PRAMEF1: variants seen among roughly 807,000 people sequenced by gnomAD.
PRAMEF1 encodes the protein PRAME family member 1.
A neutral mutation model predicts 38.2 loss-of-function variants in PRAMEF1; 21 were observed. The ratio of observed to expected loss-of-function variants is 0.55; its 90% CI spans 0.39 to 0.79. The LOEUF (loss-of-function observed/expected upper bound fraction) is 0.79, where lower values mean the gene tolerates loss of function less well. Ranked by LOEUF, PRAMEF1 falls within the 30% of genes least tolerant of loss-of-function variation. PRAMEF1 has a pLI of 0.00. For missense variants in PRAMEF1, 497 were observed against 565.8 expected (o/e 0.88, Z 1.23); for synonymous variants, 200 against 229.0 (o/e 0.87, Z 1.14).
chr1:12,793,038 G>A (rs1269046299), intron 1 of PRAMEF1, among the ~76,000 whole-genome samples, 165 bp from the exon 2 acceptor site: 4 of 151,004 alleles, frequency 2.6e-5, no homozygotes, highest in Non-Finnish European at 3.0e-5. Context: ...GGCACTGTCC[G>A]GTGGTTCTGG....
Position 12,794,364 on chromosome 1 carries a change from C to A in PRAMEF1, c.737C>A (p.Thr246Lys). The change falls in exon 3 of 4, where the codon ACG (threonine) becomes AAG (lysine). Residue 246 changes from threonine to lysine, a missense_variant. By Grantham distance (78) the Thr-to-Lys change is moderately conservative. Coordinates refer to ENST00000332296, the MANE Select transcript of PRAMEF1 (RefSeq NM_023013.4). The stretch of plus-strand genomic sequence containing the variant: ...GTTTTCTCCAGGTGCCATCATTACA[C>A]GTCAGATAATGAACTCGAAGGACGG... ...KLVFSRCHHY[T>K]SDNELEGRLV... 1 of 1,612,090 alleles carries A rather than the reference C, an allele frequency of 6.2e-7. No individual in the cohort carries two copies. The highest frequency in any genetic ancestry group is 8.5e-7 in the Non-Finnish European group (1 of 1,179,030).
At position 12,793,248 on chromosome 1, in the gene PRAMEF1, C is replaced by T; in HGVS notation, c.21C>T (p.Pro7=). MSIQAP[P]RLLELAGQSL... ...TCAGGATGAGCATCCAGGCCCCACC[C>T]AGACTACTGGAGCTGGCAGGGCAGA... The change falls in exon 2 of 4, where the codon CCC becomes CCT. Residue 7 remains proline, a synonymous_variant. Coordinates refer to ENST00000332296, the MANE Select transcript of PRAMEF1 (RefSeq NM_023013.4). 4 of 1,606,764 alleles carry T rather than the reference C, an allele frequency of 2.5e-6. No individual in the cohort carries two copies. Among genetic ancestry groups the T allele is most frequent in the East Asian group, 2.3e-5 (1 of 44,372 alleles).
Position 12,796,192 on chromosome 1 carries a change from C to T in PRAMEF1, c.*196C>T, listed in dbSNP as rs556743890. On this transcript the variant is annotated 3_prime_UTR_variant, in exon 4 of 4. Coordinates refer to ENST00000332296, the MANE Select transcript of PRAMEF1 (RefSeq NM_023013.4). ...CTCCAGCTGGTCTCAAACTGCTGGG[C>T]TTATGGGATCCTCCTGCCTCAGCTT... is the stretch of plus-strand genomic sequence containing the variant. 2.8e-6 allele frequency: 3 copies of T among 1,069,612 alleles called. No homozygotes were observed. Among genetic ancestry groups the T allele is most frequent in the East Asian group, 5.8e-5 (2 of 34,366 alleles). 66.3% of individuals were successfully genotyped at this position (1,069,612 alleles called of 1,614,324 possible).
In PRAMEF1 at chr1:12,794,451, A is replaced by C; in HGVS notation, c.824A>C (p.Lys275Thr). The change falls in exon 3 of 4, where the codon AAA (lysine) becomes ACA (threonine). Residue 275 changes from lysine to threonine, a missense_variant. Physicochemically the swap from Lys to Thr is moderately conservative, Grantham distance 78. Coordinates refer to ENST00000332296, the MANE Select transcript of PRAMEF1 (RefSeq NM_023013.4). ...RLEHLQLLKI[K>T]LITFFSGHLE... The stretch of plus-strand genomic sequence containing the variant: ...GAACACCTTCAGTTGCTTAAAATAA[A>C]ATTGATCACCTTCTTCAGTGGGCAC... 1 of 1,610,370 alleles carries C rather than the reference A, an allele frequency of 6.2e-7. No individual in the cohort carries two copies. The highest frequency in any genetic ancestry group is 8.5e-7 in the Non-Finnish European group (1 of 1,177,898).
chr1:12,792,478 C>T (rs568302955), intron 1 of PRAMEF1, among the ~76,000 whole-genome samples: 2 of 151,376 alleles, frequency 1.3e-5, no homozygotes, highest in Admixed American at 6.6e-5. Context: ...GGAAACTCTG[C>T]CTCTGGGCTT....
Position 12,793,365 on chromosome 1 carries a change from G to A in PRAMEF1, c.138G>A (p.Arg46=). The A allele has an allele frequency of 1.2e-6, 2 of 1,609,938 alleles. No homozygotes were observed. The highest frequency in any genetic ancestry group is 1.7e-6 in the Non-Finnish European group (2 of 1,177,914). The change falls in exon 2 of 4, where the codon AGG becomes AGA. Residue 46 remains arginine (R), a synonymous_variant. Coordinates refer to ENST00000332296, the MANE Select transcript of PRAMEF1 (RefSeq NM_023013.4). ...YLPLFMEAFS[R]RHFQTLTVMV... is the part of the protein sequence containing the mutation. Reference sequence around the variant, plus strand: ...CACTCTTCATGGAGGCCTTCAGCAGGAGACACTTCCAGACTCTGACGGTGA... The same window carrying A: ...CACTCTTCATGGAGGCCTTCAGCAGAAGACACTTCCAGACTCTGACGGTGA...
rs78573959 is a variant in PRAMEF1 at position 12,793,903 on chromosome 1, C to T, written c.288-12C>T. ...TTCTAAATTCTGAGTCTCTCCCTTA[C>T]TTTACCCACAGGAGGTGGAAACTTC... On this transcript the variant is annotated splice_polypyrimidine_tract_variant and intron_variant, in intron 2 of 3. Coordinates refer to ENST00000332296, the MANE Select transcript of PRAMEF1 (RefSeq NM_023013.4). 1.5e-5 allele frequency: 24 copies of T among 1,608,210 alleles called. 2 individuals carry two copies. In the African/African-American group the frequency reaches 2.5e-4, roughly 17 times the overall value.
rs1417104832 is a variant in PRAMEF1, at chr1:12,795,837, G to T, written c.1266G>T (p.Leu422Phe). The T allele has an allele frequency of 6.2e-7, 1 of 1,610,418 alleles. No individual in the cohort carries two copies. Among genetic ancestry groups the T allele is most frequent in the South Asian group, 1.1e-5 (1 of 90,872 alleles). The change falls in exon 4 of 4, where the codon TTG (leucine) becomes TTT (phenylalanine). Residue 422 changes from leucine to phenylalanine, a missense_variant. Physicochemically the swap from Leu to Phe is conservative, Grantham distance 22 (BLOSUM62 0). This residue lies in a region of PRAMEF1 where 470 missense variants were observed against 501.9 expected (regional missense o/e 0.94). Coordinates refer to ENST00000332296, the MANE Select transcript of PRAMEF1 (RefSeq NM_023013.4). Reference protein sequence around the residue: ...YPAPEESLNSLVRVNWEIFTP... With the variant: ...YPAPEESLNSFVRVNWEIFTP... ...CCCCTGAGGAGAGTTTGAATTCCTT[G>T]GTTCGTGTCAATTGGGAGATCTTCA...
At position 12,796,140 on chromosome 1, in the gene PRAMEF1, A is replaced by C. The variant is rs1639399827; in HGVS notation, c.*144A>C. 2.3e-6 allele frequency: 3 copies of C among 1,311,654 alleles called. 1 individual carries two copies. Among genetic ancestry groups the C allele is most frequent in the African/African-American group, 3.0e-5 (2 of 67,560 alleles). 81.3% of individuals were successfully genotyped at this position (1,311,654 alleles called of 1,614,324 possible). A position where few individuals can be genotyped will look rare whatever the true frequency, so the allele number is the denominator to read the frequency against. ...TAATTCCAAAATTTTTATTAAAGAC[A>C]ATTTGAGACAGGGTTTCGCTGTGTT... On this transcript the variant is annotated 3_prime_UTR_variant, in exon 4 of 4. Transcript: ENST00000332296.
In PRAMEF1 at chr1:12,795,574, A is replaced by T; in HGVS notation, c.1003A>T (p.Ile335Phe). ...TCTCAGCTACGTGCTGCTGTTCCGC[A>T]TCAGTCTTGAACCCCTCGGAGCTCT... ...LNLSYVLLFR[I>F]SLEPLGALLE... The change falls in exon 4 of 4, where the codon ATC (isoleucine) becomes TTC (phenylalanine). Residue 335 changes from isoleucine (I) to phenylalanine (F), a missense_variant. Coordinates refer to ENST00000332296, the MANE Select transcript of PRAMEF1 (RefSeq NM_023013.4). 1 of 1,612,244 alleles carries T rather than the reference A, an allele frequency of 6.2e-7. No individual in the cohort carries two copies. Among genetic ancestry groups the T allele is most frequent in the Non-Finnish European group, 8.5e-7 (1 of 1,179,766 alleles).
At position 12,795,515 on chromosome 1, in the gene PRAMEF1, A is replaced by C. The variant is rs1269322851; in HGVS notation, c.944A>C (p.Gln315Pro). The change falls in exon 4 of 4, where the codon CAG (glutamine) becomes CCG (proline). Residue 315 changes from glutamine (Q) to proline (P), a missense_variant. Physicochemically the swap from Gln to Pro is moderately conservative, Grantham distance 76. Transcript: ENST00000332296. ...GAAGAAGACATGAAGTGTCTCTCCCAGTACCCAAGCCTCGGTTACCTAAAG... is the reference window on the plus strand; with the variant it reads ...GAAGAAGACATGAAGTGTCTCTCCCCGTACCCAAGCCTCGGTTACCTAAAG... Reference protein sequence around the residue: ...LLEEDMKCLSQYPSLGYLKHL... With the variant: ...LLEEDMKCLSPYPSLGYLKHL... 6 of 1,612,506 alleles carry C rather than the reference A, an allele frequency of 3.7e-6. No individual in the cohort carries two copies. The Admixed American group carries it at 1.0e-4, about 27-fold the overall frequency.
Position 12,794,453 on chromosome 1 carries a change from T to C in PRAMEF1, c.826T>C (p.Leu276=), listed in dbSNP as rs200125597. 8.7e-5 allele frequency: 140 copies of C among 1,606,114 alleles called. 2 individuals carry two copies. The highest frequency in any genetic ancestry group is 1.1e-4 in the Non-Finnish European group (133 of 1,175,620). ...ACACCTTCAGTTGCTTAAAATAAAA[T>C]TGATCACCTTCTTCAGTGGGCACCT... ...LEHLQLLKIK[L]ITFFSGHLEQ... Residue 276 remains leucine, a synonymous_variant, in exon 3 of 4, where the codon TTG becomes CTG. Coordinates refer to ENST00000332296, the MANE Select transcript of PRAMEF1 (RefSeq NM_023013.4).
chr1:12,795,085 A>G (rs1639370412), intron 3 of PRAMEF1: 1 of 1,081,304 alleles, frequency 9.2e-7, no homozygotes, highest in Non-Finnish European at 1.3e-6. Context: ...CCCTGCTGAC[A>G]TGTAGCTCTA....
Position 12,794,467 on chromosome 1 carries a change from C to T in PRAMEF1, c.840C>T (p.Phe280=). Residue 280 remains phenylalanine (F), a synonymous_variant, in exon 3 of 4, where the codon TTC becomes TTT. Coordinates refer to ENST00000332296, the MANE Select transcript of PRAMEF1 (RefSeq NM_023013.4). The part of the protein sequence containing the change: ...QLLKIKLITF[F]SGHLEQLIRC... The stretch of plus-strand genomic sequence containing the variant: ...TTAAAATAAAATTGATCACCTTCTT[C>T]AGTGGGCACCTGGAACAGCTGATCA... The T allele has an allele frequency of 6.2e-7, 1 of 1,610,308 alleles. No individual in the cohort carries two copies. The highest frequency in any genetic ancestry group is 8.5e-7 in the Non-Finnish European group (1 of 1,177,832).
rs759749363 is a variant in PRAMEF1, at chr1:12,793,245, A to T, written c.18A>T (p.Pro6=). 1.2e-6 allele frequency: 2 copies of T among 1,606,568 alleles called. No homozygotes were observed. Among genetic ancestry groups the T allele is most frequent in the South Asian group, 1.1e-5 (1 of 90,220 alleles). Residue 6 remains proline, a synonymous_variant, in exon 2 of 4, where the codon CCA becomes CCT. Coordinates refer to ENST00000332296, the MANE Select transcript of PRAMEF1 (RefSeq NM_023013.4). ...CTATCAGGATGAGCATCCAGGCCCC[A>T]CCCAGACTACTGGAGCTGGCAGGGC... MSIQA[P]PRLLELAGQS... is the part of the protein sequence containing the mutation.
In PRAMEF1 at chr1:12,794,027, A is replaced by G. The variant is rs1639343865; in HGVS notation, c.400A>G (p.Thr134Ala). 6 of 1,608,572 alleles carry G rather than the reference A, an allele frequency of 3.7e-6. 1 individual carries two copies. The highest frequency in any genetic ancestry group is 5.1e-6 in the Non-Finnish European group (6 of 1,178,036). The change falls in exon 3 of 4, where the codon ACA (threonine) becomes GCA (alanine). Residue 134 changes from threonine to alanine, a missense_variant. Transcript: ENST00000332296. ...CFPETTSKRQ[T>A]AEDCPRMGEH... ...CCCAGAGACCACGAGTAAGAGGCAG[A>G]CAGCAGAGGACTGTCCAAGGATGGG... is the stretch of plus-strand genomic sequence containing the variant.
In PRAMEF1 at chr1:12,794,413, G is replaced by A; in HGVS notation, c.786G>A (p.Val262=). The A allele has an allele frequency of 6.2e-7, 1 of 1,610,738 alleles. No individual in the cohort carries two copies. The highest frequency in any genetic ancestry group is 8.5e-7 in the Non-Finnish European group (1 of 1,178,050). Residue 262 remains valine (V), a synonymous_variant, in exon 3 of 4, where the codon GTG becomes GTA. Coordinates refer to ENST00000332296, the MANE Select transcript of PRAMEF1 (RefSeq NM_023013.4). ...GGTTAGTTGCCAAATTCAGCTCTGTGTTCCTCAGGCTGGAACACCTTCAGT... is the reference window on the plus strand; with the variant it reads ...GGTTAGTTGCCAAATTCAGCTCTGTATTCCTCAGGCTGGAACACCTTCAGT... ...EGRLVAKFSS[V]FLRLEHLQLL...
intron 1 of PRAMEF1, among the ~76,000 whole-genome samples, chr1:12,792,348 C>A (rs1243717105): frequency 6.6e-6 from 1 of 151,250 alleles, no homozygotes; most frequent in Non-Finnish European, 1.5e-5. Context: ...TACATACCTT[C>A]CAAATGCTGT....
At position 12,795,725 on chromosome 1, in the gene PRAMEF1, G is replaced by T; in HGVS notation, c.1154G>T (p.Gly385Val). Residue 385 changes from glycine (G) to valine (V), a missense_variant, in exon 4 of 4, where the codon GGC becomes GTC. This residue lies in a region of PRAMEF1 where 470 missense variants were observed against 501.9 expected (regional missense o/e 0.94). Coordinates refer to ENST00000332296, the MANE Select transcript of PRAMEF1 (RefSeq NM_023013.4). ...TCCCAGCTCACCACCTTCTACTTTG[G>T]CAGAAATTGCATGTCTATTGACGCC... ...RCSQLTTFYFGRNCMSIDALK... is the reference protein window; with the variant it reads ...RCSQLTTFYFVRNCMSIDALK... 6.2e-7 allele frequency: 1 copy of T among 1,611,406 alleles called. No individual in the cohort carries two copies. Among genetic ancestry groups the T allele is most frequent in the East Asian group, 2.2e-5 (1 of 44,834 alleles).
Sources: allele counts gnomAD v4.1 joint callset (sites outside exome capture counted in the v4.1 genomes callset), GRCh38; gene constraint gnomAD v4.1.1; regional missense constraint gnomAD v4.1.1; transcripts MANE v1.5; gene names NCBI Gene and HGNC (gene_info 2026-07-23, HGNC 2026-07-21).